The following CREBRF variants were observed in gnomAD, a reference collection of about 807,000 sequenced individuals.
CREBRF encodes the protein UPF0474 protein C5orf41.
A neutral mutation model predicts 66.1 loss-of-function variants in CREBRF; 5 were observed. That is an observed-to-expected ratio of 0.08 (90% confidence interval 0.04 to 0.16). The LOEUF (loss-of-function observed/expected upper bound fraction) is 0.16, where lower values mean the gene tolerates loss of function less well. CREBRF is among the 10% of genes least tolerant of loss of function. CREBRF has a pLI of 1.00. For missense variants in CREBRF, 531 were observed against 744.9 expected, an observed-to-expected ratio of 0.71 and a Z score of 3.34; for synonymous variants, 229 against 264.4, an observed-to-expected ratio of 0.87 and a Z score of 1.30.
At chr5:173,066,285 TTTCCTTTGTA>T (rs1207185215) in intron 1 of CREBRF, among the ~76,000 whole-genome samples, 6 of 152,228 alleles carry the variant, frequency 3.9e-5, no homozygotes, top group Non-Finnish European at 8.8e-5. Flanking sequence ...TATGAAACAT[TTTCCTTTGTA>T]TTCAAAGATG....
At chr5:173,118,249 A>T (rs995272968) in intron 7 of CREBRF, among the ~76,000 whole-genome samples, 2 of 152,088 alleles carry the variant, frequency 1.3e-5, no homozygotes, top group Non-Finnish European at 2.9e-5. Flanking sequence ...GCCTCAAGTG[A>T]TCCACCCGCC....
At chr5:173,082,170 C>T (rs370780587) in intron 2 of CREBRF, among the ~76,000 whole-genome samples, 200 of 151,818 alleles carry the variant, frequency 1.3e-3, no homozygotes, top group African/African-American at 4.5e-3. Flanking sequence ...CCTGCCACCA[C>T]GCCTGGCTAA....
chr5:173,123,129 G>T lies in CREBRF; in HGVS notation c.1731G>T (p.Arg577=). The T allele has an allele frequency of 6.2e-7, 1 of 1,605,982 alleles. No homozygotes were observed. The highest frequency in any genetic ancestry group is 1.3e-5 in the African/African-American group (1 of 74,330). ...INSIKQEIVN[R]VQNPRDERGP... is the part of the protein sequence containing the mutation. The stretch of plus-strand genomic sequence containing the variant: ...CCATCAAGCAAGAGATTGTAAACCG[G>T]GTACAGAATCCAAGAGATGAGAGAG... Residue 577 remains arginine (R), a synonymous_variant, in exon 8 of 9, where the codon CGG becomes CGT. Transcript: ENST00000296953.
chr5:173,100,237 A>G (rs1229090001), intron 4 of CREBRF, among the ~76,000 whole-genome samples: 2 of 149,870 alleles, frequency 1.3e-5, no homozygotes, highest in African/African-American at 4.9e-5. Flanking sequence ...CGGCCCTCCA[A>G]AGTGCTGGGA....
In CREBRF at chr5:173,136,811, A is replaced by T. The variant is rs759819480; in HGVS notation, c.*3066A>T. On this transcript the variant is annotated 3_prime_UTR_variant, in exon 9 of 9. Transcript: ENST00000296953. ...AAGATCATTAGAGAAGAGTTCTCTA[A>T]AGGTTTTCTGTGTTCATACATGGTA... is the stretch of plus-strand genomic sequence containing the variant. 1.6e-4 allele frequency: 25 copies of T among 152,430 alleles called. No individual in the cohort carries two copies. Among genetic ancestry groups the T allele is most frequent in the Non-Finnish European group, 2.5e-4 (17 of 67,900 alleles). 9.4% of individuals were successfully genotyped at this position (152,430 alleles called of 1,614,324 possible).
At chr5:173,072,283 T>C (rs905243270) in intron 1 of CREBRF, among the ~76,000 whole-genome samples, 11 of 144,776 alleles carry the variant, frequency 7.6e-5, no homozygotes, top group African/African-American at 2.7e-4. Context: ...TTTTTATCCC[T>C]TTTTTTTTTT....
chr5:173,084,314 GA>G (rs1042187397), intron 2 of CREBRF, among the ~76,000 whole-genome samples: 1 of 152,012 alleles, frequency 6.6e-6, no homozygotes, highest in South Asian at 2.1e-4. Context: ...AAAAGAGGAG[GA>G]AAAACAACAA....
intron 2 of CREBRF, among the ~76,000 whole-genome samples, chr5:173,081,160 A>ATT (rs1757928981): frequency 6.6e-6 from 1 of 152,190 alleles, no homozygotes; most frequent in African/African-American, 2.4e-5. Flanking sequence ...TTTAGAAGTA[A>ATT]TTAAGAGGAA....
intron 3 of CREBRF, among the ~76,000 whole-genome samples, chr5:173,089,358 A>G (rs1242148579): frequency 6.6e-6 from 1 of 152,092 alleles, no homozygotes; most frequent in Non-Finnish European, 1.5e-5. Context: ...TTCCATGCAT[A>G]TGTAAACATA....
intron 4 of CREBRF, among the ~76,000 whole-genome samples, chr5:173,100,475 A>G (rs1758602598): frequency 6.6e-6 from 1 of 150,934 alleles, no homozygotes; most frequent in African/African-American, 2.4e-5. Flanking sequence ...CCCAGGCTGG[A>G]GTGCAGTGGC....
rs202054331 is a variant in CREBRF, at chr5:173,128,341, CTAATA to C, written c.1804+5143_1804+5147del. On this transcript the variant is annotated intron_variant, in intron 8 of 8. Coordinates refer to ENST00000296953, the MANE Select transcript of CREBRF (RefSeq NM_153607.3). Reference sequence around the variant, plus strand: ...GATTTATTGAGATTTTCTTGGCTACCTAATATAAGATTACAATTTTTAATGTTCTG... The same window carrying C: ...GATTTATTGAGATTTTCTTGGCTACCTAAGATTACAATTTTTAATGTTCTG... 2.5e-3 allele frequency among the ~76,000 whole-genome samples: 385 copies of C among 152,058 alleles called. 3 individuals are homozygous for C. The highest frequency in any genetic ancestry group is 0.022 in the Admixed American group (329 of 15,256).
At chr5:173,123,402 G>C (rs897129004) in intron 8 of CREBRF, 200 bp downstream of exon 8, 5 of 478,132 alleles carry the variant, frequency 1.0e-5, no homozygotes, top group Non-Finnish European at 1.5e-5. Flanking sequence ...TTGTAATTTA[G>C]ACTTAATCAT....
chr5:173,088,953 T>TG (rs1758246262), intron 3 of CREBRF, among the ~76,000 whole-genome samples: 1 of 151,324 alleles, frequency 6.6e-6, no homozygotes, highest in Non-Finnish European at 1.5e-5. Context: ...CTGAGGCAGG[T>TG]GGATCACAAG....
At position 173,135,502 on chromosome 5, in the gene CREBRF, G is replaced by C. The variant is rs933123977; in HGVS notation, c.*1757G>C. Reference sequence around the variant, plus strand: ...TCTTGTGCTTTGAACTCTGAAAACTGGTGGCTTAAAAACTAAAAAAAGAAA... The same window carrying C: ...TCTTGTGCTTTGAACTCTGAAAACTCGTGGCTTAAAAACTAAAAAAAGAAA... On this transcript the variant is annotated 3_prime_UTR_variant, in exon 9 of 9. Coordinates refer to ENST00000296953, the MANE Select transcript of CREBRF (RefSeq NM_153607.3). 7.2e-5 allele frequency: 11 copies of C among 152,094 alleles called. No individual in the cohort carries two copies. Among genetic ancestry groups the C allele is most frequent in the Admixed American group, 7.2e-4 (11 of 15,242 alleles). 9.4% of individuals were successfully genotyped at this position (152,094 alleles called of 1,614,324 possible). A position where few individuals can be genotyped will look rare whatever the true frequency, so the allele number is the denominator to read the frequency against.
intron 1 of CREBRF, among the ~76,000 whole-genome samples, chr5:173,057,132 T>C (rs1757080626): frequency 6.6e-6 from 1 of 151,898 alleles, no homozygotes; most frequent in Non-Finnish European, 1.5e-5. Context: ...TCAAAGCAGC[T>C]TGAAGCGGCT....
chr5:173,119,296 G>A (rs921063741), intron 7 of CREBRF, among the ~76,000 whole-genome samples: 5 of 152,202 alleles, frequency 3.3e-5, no homozygotes, highest in East Asian at 3.9e-4. Flanking sequence ...GGAGTTTTCC[G>A]ATCCATGGAC....
At chr5:173,081,976 T>C (rs17662532) in intron 2 of CREBRF, among the ~76,000 whole-genome samples, 3,418 of 150,776 alleles carry the variant, frequency 0.023, 64 homozygotes, top group Non-Finnish European at 0.036. Flanking sequence ...ATATACCCTT[T>C]TAGAGTGGTT....
intron 1 of CREBRF, among the ~76,000 whole-genome samples, chr5:173,076,767 AAG>A (rs1270805962): frequency 2.6e-5 from 4 of 151,256 alleles, no homozygotes; most frequent in Admixed American, 6.6e-5. Context: ...AAAAAAAAAA[AAG>A]AGAGTGTTTA....
At chr5:173,093,953 T>C (rs980421480) in intron 4 of CREBRF, among the ~76,000 whole-genome samples, 1 of 152,230 alleles carries the variant, frequency 6.6e-6, no homozygotes, top group Non-Finnish European at 1.5e-5. Context: ...ACCTCCATTC[T>C]ACTTTTTACT....
Sources: gnomAD v4.1 joint callset for allele counts (sites outside exome capture counted in the v4.1 genomes callset) on GRCh38, gnomAD v4.1.1 for gene constraint, MANE v1.5 for transcripts, NCBI Gene and HGNC (gene_info 2026-07-23, HGNC 2026-07-21) for gene names.